CTNNA2: variants seen among roughly 807,000 people sequenced by gnomAD.
The protein encoded by CTNNA2 is catenin alpha 2, also known as catenin alpha-2.
In CTNNA2, 42 loss-of-function variants were observed where a neutral mutation model predicts 101.0. That is an observed-to-expected ratio of 0.42 (90% CI 0.32 to 0.54). The LOEUF (loss-of-function observed/expected upper bound fraction) is 0.54, where lower values mean the gene tolerates loss of function less well. Among genes scored for constraint, CTNNA2 ranks in the 20% least tolerant of loss-of-function variants. The pLI is 0.14. For synonymous variants in CTNNA2, 450 were observed against 456.4 expected (o/e 0.99, Z 0.18); for missense variants, 871 against 1,223.1 (o/e 0.71, Z 4.29).
chr2:80,586,735 A>C (rs901329728), intron 14 of CTNNA2, among the ~76,000 whole-genome samples: 2 of 152,204 alleles, frequency 1.3e-5, no homozygotes, highest in Admixed American at 6.5e-5. Context: ...AGATATCTTA[A>C]TAGTATTCAT....
chr2:80,381,626 G>A (rs1319512163), intron 7 of CTNNA2, among the ~76,000 whole-genome samples: 1 of 152,192 alleles, frequency 6.6e-6, no homozygotes, highest in African/African-American at 2.4e-5. Context: ...CCTGGCTCTG[G>A]CACTAGAGTG....
chr2:80,555,081 T>C (rs376105908), intron 11 of CTNNA2, among the ~76,000 whole-genome samples: 1 of 152,230 alleles, frequency 6.6e-6, no homozygotes, highest in African/African-American at 2.4e-5. Flanking sequence ...TGTGGGAAAC[T>C]GATCGTCTTC....
At chr2:79,912,517 T>C (rs1163160865) in intron 7 of CTNNA2, among the ~76,000 whole-genome samples, 2 of 152,174 alleles carry the variant, frequency 1.3e-5, no homozygotes, top group Admixed American at 6.5e-5. Context: ...AGTGGTGATA[T>C]TTGAAAAAAG....
intron 16 of CTNNA2, chr2:80,605,270 T>C (rs1024315677): frequency 6.6e-6 from 1 of 152,016 alleles, no homozygotes; most frequent in African/African-American, 2.4e-5. Flanking sequence ...TAAGAGTGCT[T>C]TAGGTAGTAG....
At chr2:79,531,791 C>A (rs986968950) in intron 1 of CTNNA2, among the ~76,000 whole-genome samples, 1 of 151,702 alleles carries the variant, frequency 6.6e-6, no homozygotes, top group Non-Finnish European at 1.5e-5. Context: ...AAGTGATTCT[C>A]CTGCCTCTGG....
intron 7 of CTNNA2, among the ~76,000 whole-genome samples, chr2:79,962,939 C>T (rs927842887): frequency 7.3e-5 from 11 of 151,378 alleles, no homozygotes; most frequent in African/African-American, 1.2e-4. Flanking sequence ...GGCGTAGTGG[C>T]GGGCGCCTGT....
intron 7 of CTNNA2, among the ~76,000 whole-genome samples, chr2:80,273,533 A>G (rs936176023): frequency 1.3e-5 from 2 of 151,990 alleles, no homozygotes; most frequent in African/African-American, 4.8e-5. Context: ...AATGACTGCC[A>G]TTTCACTCAT....
intron 4 of CTNNA2, among the ~76,000 whole-genome samples, chr2:79,457,059 G>A (rs1670831319): frequency 6.6e-6 from 1 of 151,864 alleles, no homozygotes. Flanking sequence ...AAAATTAGCC[G>A]GGCGCGGTGG....
rs141046911 is a variant in CTNNA2 at position 79,980,522 on chromosome 2, A to G, written c.1056+70725A>G. 1.6e-3 allele frequency among the ~76,000 whole-genome samples: 249 copies of G among 152,260 alleles called. 2 individuals are homozygous for G. The highest frequency in any genetic ancestry group is 5.7e-3 in the African/African-American group (236 of 41,572). The stretch of plus-strand genomic sequence containing the variant: ...ATAGCAGTTATTACTGAAATTTCTA[A>G]TTGTTTTTATTGATTCTACAATTAC... On this transcript the variant is annotated intron_variant, in intron 7 of 18. Transcript: ENST00000402739.
intron 9 of CTNNA2, among the ~76,000 whole-genome samples, chr2:80,538,025 C>T (rs562288820): frequency 6.6e-6 from 1 of 152,262 alleles, no homozygotes; most frequent in African/African-American, 2.4e-5. Flanking sequence ...GCATAAATGT[C>T]ATCTTTTGAG....
chr2:79,634,666 T>C (rs1213854076), intron 1 of CTNNA2: 1 of 152,192 alleles, frequency 6.6e-6, no homozygotes, highest in Admixed American at 6.5e-5. Flanking sequence ...GGTCAAGAAG[T>C]GATGCCTGAG....
chr2:80,010,102 A>C (rs1693668163), intron 7 of CTNNA2, among the ~76,000 whole-genome samples: 1 of 152,186 alleles, frequency 6.6e-6, no homozygotes, highest in African/African-American at 2.4e-5. Flanking sequence ...ACATTGAGAA[A>C]TAATAGCTCC....
chr2:79,293,876 A>T (rs1286282777), intron 2 of CTNNA2, among the ~76,000 whole-genome samples: 1 of 152,114 alleles, frequency 6.6e-6, no homozygotes, highest in Non-Finnish European at 1.5e-5. Flanking sequence ...TAGCAATGTG[A>T]CCTCGGATAA....
At chr2:80,468,263 T>G (rs770545863) in intron 9 of CTNNA2, among the ~76,000 whole-genome samples, 7 of 152,244 alleles carry the variant, frequency 4.6e-5, no homozygotes, top group South Asian at 2.1e-4. Context: ...AGTGCTAAAA[T>G]TTGGACCCTA....
chr2:79,772,940 T>C (rs1465515856), intron 3 of CTNNA2, among the ~76,000 whole-genome samples: 1 of 152,228 alleles, frequency 6.6e-6, no homozygotes, highest in South Asian at 2.1e-4. Flanking sequence ...TTTTCAGTTG[T>C]TCTATCAAAC....
At chr2:80,016,585 T>C (rs1694168132) in intron 7 of CTNNA2, among the ~76,000 whole-genome samples, 1 of 152,210 alleles carries the variant, frequency 6.6e-6, no homozygotes, top group African/African-American at 2.4e-5. Context: ...TAAATACAGA[T>C]TTATTATATT....
intron 1 of CTNNA2, among the ~76,000 whole-genome samples, chr2:79,615,003 T>C (rs1026647432): frequency 1.3e-5 from 2 of 152,306 alleles, no homozygotes; most frequent in East Asian, 3.9e-4. Context: ...TCTGAACTTA[T>C]GAGACTCATT....
chr2:80,162,718 G>A, intron 7 of CTNNA2: 2 of 1,611,810 alleles, frequency 1.2e-6, no homozygotes, highest in Non-Finnish European at 1.7e-6. Context: ...CTATGACTGT[G>A]TGATTGAACT....
In CTNNA2 at chr2:80,574,400, G is replaced by A. The variant is rs1378507145; in HGVS notation, c.1893+86G>A. 6 of 1,401,456 alleles carry A rather than the reference G, an allele frequency of 4.3e-6. No individual in the cohort carries two copies. The South Asian group carries it at 5.5e-5, about 13-fold the overall frequency. 86.8% of individuals were successfully genotyped at this position (1,401,456 alleles called of 1,614,324 possible). A position where few individuals can be genotyped will look rare whatever the true frequency, so the allele number is the denominator to read the frequency against. ...AACTGTCTTATTTATTATTTATTTT[G>A]TAATTACTGAGTTTAACTTGGTAAG... is the stretch of plus-strand genomic sequence containing the variant. On this transcript the variant is annotated intron_variant, in intron 13 of 18. Transcript: ENST00000402739.
Sources: gnomAD v4.1 joint callset for allele counts (sites outside exome capture counted in the v4.1 genomes callset) on GRCh38, gnomAD v4.1.1 for gene constraint, MANE v1.5 for transcripts, NCBI Gene and HGNC (gene_info 2026-07-23, HGNC 2026-07-21) for gene names.